Variants in THSD4 observed in about 807,000 individuals in gnomAD.
THSD4 encodes the protein thrombospondin type-1 domain-containing protein 4.
In THSD4, 69 loss-of-function variants were observed where a neutral mutation model predicts 119.0. That is an observed-to-expected ratio of 0.58 (90% CI 0.48 to 0.71). The LOEUF is 0.71. Ranked by LOEUF, THSD4 falls within the 30% of genes least tolerant of loss-of-function variation. THSD4 has a pLI of 0.00. For missense variants in THSD4, 1,393 were observed against 1,391.1 expected (o/e 1.00, Z -0.02); for synonymous variants, 524 against 540.4 (o/e 0.97, Z 0.42).
chr15:71,743,369 C>A (rs2053273270), intron 11 of THSD4, among the ~76,000 whole-genome samples: 1 of 152,194 alleles, frequency 6.6e-6, no homozygotes, highest in Non-Finnish European at 1.5e-5. Context: ...AAAAGCTAAA[C>A]CCGCATGGTC....
chr15:71,777,370 G>A lies in THSD4; in HGVS notation c.3053G>A (p.Arg1018Lys), dbSNP rs1362948700. ...AGGCAGACGGGCTTCCTGGGGAGCA[G>A]ATAACACTCCTGCACCCCCATCAGT... ...ANRQTGFLGS[R>K] is the part of the protein sequence containing the mutation. Residue 1018 changes from arginine (R) to lysine (K), a missense_variant, in exon 18 of 18, where the codon AGA (arginine) becomes AAA (lysine). Coordinates refer to ENST00000261862, the MANE Select transcript of THSD4 (RefSeq NM_024817.3). 1.2e-6 allele frequency: 2 copies of A among 1,613,432 alleles called. No homozygotes were observed. The highest frequency in any genetic ancestry group is 8.5e-7 in the Non-Finnish European group (1 of 1,179,876).
rs535192641 is a variant in THSD4 at position 71,418,801 on chromosome 15, C to T, written c.1152+6978C>T. On this transcript the variant is annotated intron_variant, in intron 7 of 17. Coordinates refer to ENST00000261862, the MANE Select transcript of THSD4 (RefSeq NM_024817.3). The stretch of plus-strand genomic sequence containing the variant: ...AATTCAGCAGTGAGGCTATTGGGTC[C>T]CAATCTTCTTTAGTGGGAGACTTTT... 1.2e-3 allele frequency among the ~76,000 whole-genome samples: 129 copies of T among 108,680 alleles called. 33 individuals carry two copies. Among genetic ancestry groups the T allele is most frequent in the Admixed American group, 5.9e-4 (5 of 8,460 alleles). The allele number at this position is 108,680 out of a possible 152,430, so 71.3% of individuals were successfully genotyped here.
intron 7 of THSD4, among the ~76,000 whole-genome samples, chr15:71,523,542 G>A (rs182787631): frequency 6.6e-6 from 1 of 152,256 alleles, no homozygotes; most frequent in East Asian, 1.9e-4. Flanking sequence ...GGGAGACCAC[G>A]CTTCAACCTA....
chr15:71,429,907 A>T (rs1351015181), intron 7 of THSD4, among the ~76,000 whole-genome samples: 1 of 152,240 alleles, frequency 6.6e-6, no homozygotes, highest in African/African-American at 2.4e-5. Flanking sequence ...TGACACAGGC[A>T]AACAGATCTT....
At chr15:71,621,450 A>G (rs2050417035) in intron 7 of THSD4, among the ~76,000 whole-genome samples, 1 of 152,080 alleles carries the variant, frequency 6.6e-6, no homozygotes, top group African/African-American at 2.4e-5. Flanking sequence ...TATTCCAGTT[A>G]TTTGTTGTTT....
intron 17 of THSD4, 51 bp downstream of exon 17, chr15:71,771,259 T>A (rs753650718): frequency 2.5e-6 from 4 of 1,604,596 alleles, no homozygotes; most frequent in Non-Finnish European, 3.4e-6. Context: ...TTTAAGCTTG[T>A]CAGATTCTCC....
chr15:71,283,035 T>C (rs1035036643), intron 6 of THSD4, among the ~76,000 whole-genome samples: 2 of 149,738 alleles, frequency 1.3e-5, no homozygotes, highest in South Asian at 4.3e-4. Flanking sequence ...AGTGGCACAA[T>C]CTCGGCTCAC....
In THSD4 at chr15:71,326,687, AAAAAAAAAAAAAAATATAT is replaced by A. The variant is rs1456857687; in HGVS notation, c.1015+69974_1015+69992del. 2.8e-4 allele frequency among the ~76,000 whole-genome samples: 14 copies of A among 49,482 alleles called. 1 individual carries two copies. Among genetic ancestry groups the A allele is most frequent in the African/African-American group, 9.7e-4 (14 of 14,488 alleles). 32.5% of individuals were successfully genotyped at this position (49,482 alleles called of 152,430 possible). A position where few individuals can be genotyped will look rare whatever the true frequency, so the allele number is the denominator to read the frequency against. On this transcript the variant is annotated intron_variant, in intron 6 of 17. Transcript: ENST00000261862. ...AGATTCCATCTCAAAAAAAAAAAAA[AAAAAAAAAAAAAAATATAT>A]ATATATATATATATATATATTAGCT...
intron 8 of THSD4, among the ~76,000 whole-genome samples, chr15:71,678,627 C>T (rs1457008102): frequency 6.6e-6 from 1 of 152,184 alleles, no homozygotes; most frequent in African/African-American, 2.4e-5. Context: ...AGATAAGCCT[C>T]CTTTCTCCCT....
At chr15:71,661,726 T>C (rs1421888685) in intron 8 of THSD4, among the ~76,000 whole-genome samples, 1 of 152,190 alleles carries the variant, frequency 6.6e-6, no homozygotes, top group Non-Finnish European at 1.5e-5. Flanking sequence ...GAATTTCTAA[T>C]AGATGTAAGC....
chr15:71,435,499 C>A (rs974112824), intron 7 of THSD4, among the ~76,000 whole-genome samples: 7 of 152,164 alleles, frequency 4.6e-5, no homozygotes, highest in Non-Finnish European at 8.8e-5. Flanking sequence ...TAGAGAATTT[C>A]TTTATCTCAT....
At chr15:71,765,713 G>A (rs569513502) in intron 16 of THSD4, among the ~76,000 whole-genome samples, 1 of 152,170 alleles carries the variant, frequency 6.6e-6, no homozygotes, top group African/African-American at 2.4e-5. Flanking sequence ...CACCAGCCAG[G>A]TCAACTAGCA....
At chr15:71,470,171 CA>C (rs943352184) in intron 7 of THSD4, among the ~76,000 whole-genome samples, 17 of 152,084 alleles carry the variant, frequency 1.1e-4, no homozygotes, top group African/African-American at 4.1e-4. Flanking sequence ...TAAATCTTTT[CA>C]TTTTTTTTCT....
intron 3 of THSD4, among the ~76,000 whole-genome samples, chr15:71,199,493 G>A (rs1024649201): frequency 1.2e-4 from 18 of 148,858 alleles, no homozygotes; most frequent in African/African-American, 4.5e-4. Context: ...TGTGGGGTGT[G>A]TGTGGTGTGT....
chr15:71,281,972 G>T (rs1052737750), intron 6 of THSD4, among the ~76,000 whole-genome samples: 4 of 152,182 alleles, frequency 2.6e-5, no homozygotes, highest in Non-Finnish European at 5.9e-5. Flanking sequence ...GGGACTAAAG[G>T]CCTCAGATTC....
intron 6 of THSD4, among the ~76,000 whole-genome samples, chr15:71,327,686 A>G (rs192593449): frequency 6.6e-6 from 1 of 152,310 alleles, no homozygotes; most frequent in East Asian, 1.9e-4. Flanking sequence ...TGCTGAATGT[A>G]TATGGCATTC....
rs527679295 is a variant in THSD4, at chr15:71,352,874, G to A, written c.1016-58813G>A. 5.9e-4 allele frequency among the ~76,000 whole-genome samples: 90 copies of A among 152,338 alleles called. 1 individual carries two copies. Among genetic ancestry groups the A allele is most frequent in the African/African-American group, 2.1e-3 (86 of 41,592 alleles). ...CCTAATGGAATTGTCCATAGGGACG[G>A]GACATGGGTGGAAGGACATTCTAGG... On this transcript the variant is annotated intron_variant, in intron 6 of 17. Transcript: ENST00000261862.
intron 7 of THSD4, among the ~76,000 whole-genome samples, chr15:71,636,919 C>G (rs1204358224): frequency 6.6e-6 from 1 of 151,748 alleles, no homozygotes; most frequent in Non-Finnish European, 1.5e-5. Flanking sequence ...AGGTCTCACT[C>G]TGTCACCCAG....
intron 7 of THSD4, among the ~76,000 whole-genome samples, chr15:71,595,568 T>C (rs1023010507): frequency 2.0e-5 from 3 of 151,832 alleles, no homozygotes; most frequent in African/African-American, 7.3e-5. Flanking sequence ...TCAAATGTCT[T>C]TATCAGCAGC....
Sources: allele counts gnomAD v4.1 joint callset (sites outside exome capture counted in the v4.1 genomes callset), GRCh38; gene constraint gnomAD v4.1.1; transcripts MANE v1.5; gene names NCBI Gene and HGNC (gene_info 2026-07-23, HGNC 2026-07-21).